Variants in A2M observed in about 807,000 individuals in gnomAD.
A2M encodes alpha-2-macroglobulin.
Under a neutral mutation model 183.9 loss-of-function variants are expected in A2M, and 128 were observed. That is an observed-to-expected ratio of 0.70 (90% CI 0.60 to 0.81). The LOEUF (loss-of-function observed/expected upper bound fraction) is 0.81. Ranked by LOEUF, A2M falls within the 30% of genes least tolerant of loss-of-function variation. The pLI is 0.00. For missense variants in A2M, 1,495 were observed against 1,787.6 expected (o/e 0.84, Z 2.95); for synonymous variants, 592 against 670.8 (o/e 0.88, Z 1.81).
At chr12:9,098,834 C>G in intron 14 of A2M, 78 bp from the exon 15 acceptor site, 1 of 1,507,696 alleles carries the variant, frequency 6.6e-7, no homozygotes, top group Non-Finnish European at 9.0e-7. Context: ...GCAGAGTGTT[C>G]CTCATGTACA....
chr12:9,103,835 C>G (rs772539725), intron 11 of A2M, among the ~76,000 whole-genome samples: 3 of 152,144 alleles, frequency 2.0e-5, no homozygotes, highest in Admixed American at 1.3e-4. Flanking sequence ...TGGGTAGCCT[C>G]GATCTCTCAG....
At chr12:9,070,635 C>A in intron 31 of A2M, 57 bp from the exon 32 acceptor site, 1 of 1,218,594 alleles carries the variant, frequency 8.2e-7, no homozygotes, top group South Asian at 1.3e-5. Context: ...ATATTTTCTT[C>A]TTCTATGTCC....
intron 22 of A2M, among the ~76,000 whole-genome samples, chr12:9,087,198 C>G (rs1285189442): frequency 6.6e-6 from 1 of 151,398 alleles, no homozygotes; most frequent in Admixed American, 6.6e-5. Context: ...TCCACACTAC[C>G]CAAAGCAATC....
At chr12:9,115,706 A>G in intron 1 of A2M, 58 bp downstream of exon 1, 1 of 1,306,824 alleles carries the variant, frequency 7.7e-7, no homozygotes, top group South Asian at 1.2e-5. Context: ...ATAAAGAAAA[A>G]TCTGCAATAA....
chr12:9,089,617 T>G (rs2137780855), intron 21 of A2M, among the ~76,000 whole-genome samples: 1 of 152,230 alleles, frequency 6.6e-6, no homozygotes, highest in South Asian at 2.1e-4. Flanking sequence ...GGTGCACACC[T>G]GTAATCCCAG....
In A2M at chr12:9,112,140, T is replaced by C. The variant is rs1322313385; in HGVS notation, c.483+19A>G. ...TGTTTATACAGACAATCATTTTATG[T>C]AGATAATAGAAAACTCACCAACTCA... is the stretch of plus-strand genomic sequence containing the variant. On this transcript the variant is annotated intron_variant, in intron 4 of 35. Transcript: ENST00000318602. The C allele has an allele frequency of 1.9e-6, 3 of 1,612,616 alleles. No individual in the cohort carries two copies. Among genetic ancestry groups the C allele is most frequent in the African/African-American group, 1.3e-5 (1 of 74,862 alleles).
At chr12:9,092,743 C>T (rs1949250691) in intron 18 of A2M, among the ~76,000 whole-genome samples, 1 of 152,182 alleles carries the variant, frequency 6.6e-6, no homozygotes, top group African/African-American at 2.4e-5. Flanking sequence ...ACCATATGTC[C>T]CAGAAATCCC....
At chr12:9,070,048 TC>T (rs1948521038) in intron 32 of A2M, among the ~76,000 whole-genome samples, 3 of 152,240 alleles carry the variant, frequency 2.0e-5, no homozygotes, top group Admixed American at 2.0e-4. Flanking sequence ...CAGCTAAGTA[TC>T]CTAAACTTGG....
intron 17 of A2M, among the ~76,000 whole-genome samples, chr12:9,094,044 G>C (rs1305878690): frequency 6.6e-6 from 1 of 152,106 alleles, no homozygotes; most frequent in African/African-American, 2.4e-5. Context: ...GGAGTCCTAT[G>C]TGGCTGCTGC....
Position 9,110,320 on chromosome 12 carries a change from G to T in A2M, c.498C>A (p.Tyr166Ter). 2 of 1,456,932 alleles carry T rather than the reference G, an allele frequency of 1.4e-6. No homozygotes were observed. Among genetic ancestry groups the T allele is most frequent in the Non-Finnish European group, 1.9e-6 (2 of 1,077,940 alleles). 90.3% of individuals were successfully genotyped at this position (1,456,932 alleles called of 1,614,324 possible). A position where few individuals can be genotyped will look rare whatever the true frequency, so the allele number is the denominator to read the frequency against. The change falls in exon 5 of 36, where the codon TAC becomes TAA. Residue 166 changes from tyrosine to a stop codon, truncating the protein, a stop_gained. Transcript: ENST00000318602. LOFTEE classifies it high-confidence loss of function. Reference protein sequence around the residue: ...HPLNELIPLVYIQDPKGNRIA... With the variant: ...HPLNELIPLV ...AATGTTTCATGTTGCTTACCTGAATGTATACTAGTGGAATCTGAAAGACAA... is the reference window on the plus strand; with the variant it reads ...AATGTTTCATGTTGCTTACCTGAATTTATACTAGTGGAATCTGAAAGACAA...
chr12:9,075,106 T>C (rs1948702756), intron 28 of A2M, among the ~76,000 whole-genome samples: 1 of 152,222 alleles, frequency 6.6e-6, no homozygotes, highest in African/African-American at 2.4e-5. Flanking sequence ...TATTAGACTA[T>C]AGCTGGAGTT....
At chr12:9,098,287 T>C (rs4882979) in intron 15 of A2M, 25,734 of 157,578 alleles carry the variant, frequency 0.16, 2,291 homozygotes, top group Middle Eastern at 0.23. Flanking sequence ...TGCTATGTGC[T>C]CTTGAGCAAG....
intron 4 of A2M, among the ~76,000 whole-genome samples, chr12:9,111,337 C>A (rs888985629): frequency 6.6e-6 from 1 of 151,966 alleles, no homozygotes. Flanking sequence ...GTGGTAAGTG[C>A]AAATAGAAAA....
chr12:9,095,513 G>T, intron 16 of A2M, 26 bp downstream of exon 16: 1 of 1,597,750 alleles, frequency 6.3e-7, no homozygotes, highest in South Asian at 1.1e-5. Flanking sequence ...CTTAAGATCA[G>T]ACCATCTGCA....
intron 2 of A2M, chr12:9,112,830 A>T (rs1438105596): frequency 2.7e-6 from 1 of 377,278 alleles, no homozygotes; most frequent in African/African-American, 2.0e-5. Flanking sequence ...TACCAGGCTG[A>T]TATTACATGC....
chr12:9,109,845 G>C, intron 6 of A2M, 22 bp downstream of exon 6: 2 of 1,568,658 alleles, frequency 1.3e-6, no homozygotes, highest in Non-Finnish European at 1.7e-6. Flanking sequence ...AATAATGCTT[G>C]ATGACTTTTC....
At chr12:9,079,851 G>A (rs1286170238) in intron 23 of A2M, 36 bp from the exon 24 acceptor site, 1 of 1,500,334 alleles carries the variant, frequency 6.7e-7, no homozygotes, top group Admixed American at 2.3e-5. Flanking sequence ...CATAAAGCTT[G>A]GAGATTATCA....
At chr12:9,076,636 A>G (rs910115056) in intron 28 of A2M, 120 bp downstream of exon 28, 2 of 857,452 alleles carry the variant, frequency 2.3e-6, no homozygotes. Context: ...CAAAATATAT[A>G]TGATATATAG....
At chr12:9,111,999 G>T in intron 4 of A2M, 160 bp downstream of exon 4, 1 of 795,532 alleles carries the variant, frequency 1.3e-6, no homozygotes, top group Non-Finnish European at 2.3e-6. Flanking sequence ...TTCTTTACCT[G>T]GAATGATGTT....
Sources: allele counts gnomAD v4.1 joint callset (sites outside exome capture counted in the v4.1 genomes callset), GRCh38; gene constraint gnomAD v4.1.1; transcripts MANE v1.5; gene names NCBI Gene and HGNC (gene_info 2026-07-23, HGNC 2026-07-21).